Variants in THSD7A observed in about 807,000 individuals in gnomAD.
The protein encoded by THSD7A is thrombospondin type-1 domain-containing protein 7A.
Under a neutral mutation model 231.3 loss-of-function variants are expected in THSD7A, and 96 were observed. The observed-to-expected ratio is 0.41, with a 90% CI of 0.35 to 0.49. THSD7A has a LOEUF of 0.49. Ranked by LOEUF, THSD7A falls within the 20% of genes least tolerant of loss-of-function variation. The pLI, the probability that THSD7A is intolerant of heterozygous loss-of-function variation, is 0.05. For missense variants in THSD7A, 2,290 were observed against 2,070.2 expected (o/e 1.11, Z -2.06); for synonymous variants, 940 against 743.3 (o/e 1.26, Z -4.30).
Position 11,379,699 on chromosome 7 carries a change from C to T in THSD7A, c.4521G>A (p.Val1507=), listed in dbSNP as rs1349418774. Residue 1507 remains valine, a synonymous_variant, in exon 25 of 28, where the codon GTG becomes GTA. Coordinates refer to ENST00000423059, the MANE Select transcript of THSD7A (RefSeq NM_015204.3). ...DGINVTGGCL[V]MSQPDADRSC... ...ACCTGTCGGCATCAGGCTGGCTCAT[C>T]ACCAAGCAGCCCCCTGCGGAACAGA... The T allele has an allele frequency of 1.2e-5, 19 of 1,589,710 alleles. No homozygotes were observed. The highest frequency in any genetic ancestry group is 1.6e-5 in the Non-Finnish European group (19 of 1,167,148).
intron 4 of THSD7A, among the ~76,000 whole-genome samples, chr7:11,587,102 T>C (rs1461126454): frequency 1.3e-5 from 2 of 152,192 alleles, no homozygotes. Flanking sequence ...TGAGTTACTG[T>C]AGGTAAAATC....
Position 11,636,891 on chromosome 7 carries a change from A to G in THSD7A, c.261T>C (p.Ala87=), listed in dbSNP as rs757898583. Residue 87 remains alanine (A), a synonymous_variant, in exon 2 of 28, where the codon GCT becomes GCC. Transcript: ENST00000423059. The surrounding 1 kb of genome is among the most constrained non-coding windows in gnomAD (Gnocchi z 10.0). ...GGIQTRAVWC[A]HVEGWTTLHT... ...GCAGTGTAGTCCATCCCTCCACATGAGCACACCACACAGCCCTCGTTTGGA... is the reference window on the plus strand; with the variant it reads ...GCAGTGTAGTCCATCCCTCCACATGGGCACACCACACAGCCCTCGTTTGGA... The G allele has an allele frequency of 6.2e-7, 1 of 1,613,812 alleles. No individual in the cohort carries two copies. Among genetic ancestry groups the G allele is most frequent in the Non-Finnish European group, 8.5e-7 (1 of 1,179,878 alleles).
chr7:11,747,770 C>T (rs1228014844), intron 1 of THSD7A, among the ~76,000 whole-genome samples: 1 of 151,744 alleles, frequency 6.6e-6, no homozygotes, highest in Non-Finnish European at 1.5e-5. Flanking sequence ...TTTGGAAGGC[C>T]ATGGATAAAG....
At chr7:11,760,357 CAA>C (rs1345194337) in intron 1 of THSD7A, among the ~76,000 whole-genome samples, 1 of 151,852 alleles carries the variant, frequency 6.6e-6, no homozygotes, top group Non-Finnish European at 1.5e-5. Flanking sequence ...TTAAAGAAAA[CAA>C]ATCTGTAGTG....
chr7:11,739,837 T>C (rs772603963), intron 1 of THSD7A, among the ~76,000 whole-genome samples: 7 of 151,976 alleles, frequency 4.6e-5, no homozygotes, highest in Non-Finnish European at 8.8e-5. Context: ...TATGTGCTTC[T>C]CTTGTATCAG....
chr7:11,395,326 C>A (rs1244497931), intron 23 of THSD7A, among the ~76,000 whole-genome samples: 2 of 151,954 alleles, frequency 1.3e-5, no homozygotes, highest in Non-Finnish European at 2.9e-5. Flanking sequence ...ATAAAGCAAG[C>A]CCTTAGAGAC....
At chr7:11,516,653 T>A (rs1232620972) in intron 6 of THSD7A, among the ~76,000 whole-genome samples, 2 of 152,300 alleles carry the variant, frequency 1.3e-5, no homozygotes, top group East Asian at 3.9e-4. Context: ...TAAGAAAAAA[T>A]TTGCTATTTG....
At chr7:11,591,290 A>C (rs1780154640) in intron 3 of THSD7A, among the ~76,000 whole-genome samples, 1 of 151,994 alleles carries the variant, frequency 6.6e-6, no homozygotes, top group African/African-American at 2.4e-5. Context: ...AATCAAGATT[A>C]TGATGTGAGA....
chr7:11,724,049 A>C (rs901888535), intron 1 of THSD7A, among the ~76,000 whole-genome samples: 1 of 151,960 alleles, frequency 6.6e-6, no homozygotes, highest in East Asian at 2.0e-4. Context: ...AAATAAAAAT[A>C]ATAGGAGTGA....
intron 1 of THSD7A, among the ~76,000 whole-genome samples, chr7:11,779,878 C>T (rs1783568240): frequency 6.6e-6 from 1 of 152,182 alleles, no homozygotes. Context: ...AATATTTCAT[C>T]AAGTCTATCA....
At chr7:11,416,307 G>A (rs1583699237) in intron 17 of THSD7A, among the ~76,000 whole-genome samples, 1 of 152,124 alleles carries the variant, frequency 6.6e-6, no homozygotes, top group African/African-American at 2.4e-5. Flanking sequence ...ATAAGTTTAA[G>A]AAGGGGCCTG....
intron 16 of THSD7A, among the ~76,000 whole-genome samples, chr7:11,420,640 C>T (rs928796886): frequency 1.3e-5 from 2 of 152,222 alleles, no homozygotes; most frequent in African/African-American, 2.4e-5. Flanking sequence ...CACTGGGGCA[C>T]TGTCTAGTGG....
chr7:11,593,831 C>T (rs1416686175), intron 2 of THSD7A, among the ~76,000 whole-genome samples: 1 of 152,014 alleles, frequency 6.6e-6, no homozygotes, highest in African/African-American at 2.4e-5. Flanking sequence ...AATGAGAAAC[C>T]AAGAACTGTT....
chr7:11,602,251 T>G (rs1375155822), intron 2 of THSD7A, among the ~76,000 whole-genome samples: 1 of 152,138 alleles, frequency 6.6e-6, no homozygotes, highest in African/African-American at 2.4e-5. Context: ...TGATATTATA[T>G]GATTATATAG....
chr7:11,502,213 A>AAC (rs1018896902), intron 6 of THSD7A, among the ~76,000 whole-genome samples: 1 of 152,194 alleles, frequency 6.6e-6, no homozygotes, highest in African/African-American at 2.4e-5. Flanking sequence ...CCAGATGTAT[A>AAC]AAGAGCTGGT....
At chr7:11,792,089 G>C (rs1783968960) in intron 1 of THSD7A, among the ~76,000 whole-genome samples, 1 of 151,768 alleles carries the variant, frequency 6.6e-6, no homozygotes, top group Non-Finnish European at 1.5e-5. Flanking sequence ...AGAATCCTTG[G>C]AACTGTCTCT....
At chr7:11,463,593 G>T (rs1340152557) in intron 9 of THSD7A, among the ~76,000 whole-genome samples, 1 of 152,112 alleles carries the variant, frequency 6.6e-6, no homozygotes, top group African/African-American at 2.4e-5. Flanking sequence ...GTTGTGGGGT[G>T]TCGTCTGTAC....
At chr7:11,818,812 CCT>C (rs1189722345) in intron 1 of THSD7A, among the ~76,000 whole-genome samples, 1 of 152,152 alleles carries the variant, frequency 6.6e-6, no homozygotes, top group African/African-American at 2.4e-5. Flanking sequence ...CCAGGATACT[CCT>C]CTCAAGAGGG....
At chr7:11,662,751 C>G (rs76361229) in intron 1 of THSD7A, among the ~76,000 whole-genome samples, 8,085 of 151,178 alleles carry the variant, frequency 0.053, 235 homozygotes, top group East Asian at 0.13. Flanking sequence ...AGCTATAAAT[C>G]AATAACAAAG....
Sources: allele counts gnomAD v4.1 joint callset (sites outside exome capture counted in the v4.1 genomes callset), GRCh38; gene constraint gnomAD v4.1.1; non-coding constraint Gnocchi (gnomAD v3.1); transcripts MANE v1.5; gene names NCBI Gene and HGNC (gene_info 2026-07-23, HGNC 2026-07-21).